ABCC2: variants seen among roughly 807,000 people sequenced by gnomAD.
ABCC2 encodes the protein ATP-binding cassette sub-family C member 2.
In ABCC2, 157 loss-of-function variants were observed where a neutral mutation model predicts 173.4. The observed-to-expected ratio is 0.91, with a 90% CI of 0.80 to 1.03. The LOEUF is 1.03. Ranked by LOEUF, ABCC2 falls within the 50% of genes least tolerant of loss-of-function variation. The pLI is 0.00. For synonymous variants in ABCC2, 657 were observed against 693.5 expected (o/e 0.95, Z 0.83); for missense variants, 1,822 against 1,852.3 (o/e 0.98, Z 0.30).
Position 99,789,628 on chromosome 10 carries a change from T to A in ABCC2, c.208-2606T>A, listed in dbSNP as rs560278934. On this transcript the variant is annotated intron_variant, in intron 2 of 31. Coordinates refer to ENST00000647814, the MANE Select transcript of ABCC2 (RefSeq NM_000392.5). ...TCCTTGGGAGGCTGAGGCAGGAGAA[T>A]CACTTGAACCTGGGAGGCGGAGGTT... 3.4e-5 allele frequency among the ~76,000 whole-genome samples: 5 copies of A among 144,988 alleles called. No individual in the cohort carries two copies. The East Asian group carries it at 1.0e-3, about 30-fold the overall frequency.
In ABCC2 at chr10:99,794,448, TA is replaced by T; in HGVS notation, c.613del (p.Thr205ProfsTer10). On this transcript the variant is annotated frameshift_variant, in exon 6 of 32. Transcript: ENST00000647814. LOFTEE classifies it high-confidence loss of function. Reference sequence around the variant, plus strand: ...CCATAGCTTCATTCCTGAGTAGCATTACCTACAGCTGGTATGACAGGTAGGA... The same window carrying T: ...CCATAGCTTCATTCCTGAGTAGCATTCCTACAGCTGGTATGACAGGTAGGA... ...SSIASFLSSI[T>X]YSWYDSIILK... The T allele has an allele frequency of 1.2e-6, 2 of 1,613,954 alleles. No homozygotes were observed. The highest frequency in any genetic ancestry group is 1.7e-6 in the Non-Finnish European group (2 of 1,179,844).
intron 13 of ABCC2, among the ~76,000 whole-genome samples, chr10:99,808,517 G>A (rs773411277): frequency 3.3e-5 from 5 of 152,052 alleles, no homozygotes; most frequent in Non-Finnish European, 5.9e-5. Flanking sequence ...CCTAGTACTG[G>A]GAACATTTCC....
At chr10:99,846,003 A>T (rs1384526006) in intron 29 of ABCC2, among the ~76,000 whole-genome samples, 2 of 152,224 alleles carry the variant, frequency 1.3e-5, no homozygotes, top group African/African-American at 4.8e-5. Flanking sequence ...ACTAGGTGGC[A>T]GCAACACAAC....
At chr10:99,845,134 A>T (rs2038999246) in intron 28 of ABCC2, among the ~76,000 whole-genome samples, 1 of 151,784 alleles carries the variant, frequency 6.6e-6, no homozygotes, top group African/African-American at 2.4e-5. Flanking sequence ...GGTTCAAGTG[A>T]TTTTTCTGAC....
In ABCC2 at chr10:99,814,183, G is replaced by GTGTA. The variant is rs2038283041; in HGVS notation, c.2094+1040_2094+1041insGTAT. 2.7e-4 allele frequency among the ~76,000 whole-genome samples: 21 copies of GTGTA among 79,054 alleles called. 1 individual carries two copies. Among genetic ancestry groups the GTGTA allele is most frequent in the African/African-American group, 7.4e-4 (15 of 20,352 alleles). The allele number at this position is 79,054 out of a possible 152,430, so 51.9% of individuals were successfully genotyped here. A position where few individuals can be genotyped will look rare whatever the true frequency, so the allele number is the denominator to read the frequency against. ...CACACGTATATATACACACATGTAT[G>GTGTA]TATACACACATGTGTATATATACAC... On this transcript the variant is annotated intron_variant, in intron 16 of 31. Coordinates refer to ENST00000647814, the MANE Select transcript of ABCC2 (RefSeq NM_000392.5).
At chr10:99,841,859 G>A (rs1031091173) in intron 25 of ABCC2, 108 bp from the exon 26 acceptor site, 3 of 1,499,472 alleles carry the variant, frequency 2.0e-6, no homozygotes, top group Non-Finnish European at 2.8e-6. Flanking sequence ...CTAAGAGTGC[G>A]GCCCGATCAA....
intron 2 of ABCC2, among the ~76,000 whole-genome samples, chr10:99,786,131 G>A (rs892021587): frequency 1.3e-5 from 2 of 152,106 alleles, no homozygotes; most frequent in Non-Finnish European, 2.9e-5. Context: ...GAATGTTGGT[G>A]TTAAATGCAT....
At chr10:99,804,498 C>T (rs1204330401) in intron 10 of ABCC2, among the ~76,000 whole-genome samples, 1 of 152,104 alleles carries the variant, frequency 6.6e-6, no homozygotes, top group African/African-American at 2.4e-5. Context: ...AAGAGCCTGA[C>T]TGGGGAAGGA....
At position 99,794,398 on chromosome 10, in the gene ABCC2, T is replaced by G; in HGVS notation, c.577-15T>G. 1 of 1,612,994 alleles carries G rather than the reference T, an allele frequency of 6.2e-7. No individual in the cohort carries two copies. Among genetic ancestry groups the G allele is most frequent in the Non-Finnish European group, 8.5e-7 (1 of 1,179,056 alleles). ...CTCCAATTGGTTTACATTTCGATTT[T>G]TTTGTGTCTTTCAGAATCCATCATC... On this transcript the variant is annotated splice_polypyrimidine_tract_variant and intron_variant, in intron 5 of 31. Coordinates refer to ENST00000647814, the MANE Select transcript of ABCC2 (RefSeq NM_000392.5).
intron 16 of ABCC2, among the ~76,000 whole-genome samples, chr10:99,814,378 C>CACGTATGTATACACACATGTGT (rs1564684750): frequency 8.3e-5 from 2 of 24,126 alleles, no homozygotes; most frequent in Admixed American, 4.3e-4. Context: ...TATATATACA[C>CACGTATGTATACACACATGTGT]ATATATACAT....
intron 2 of ABCC2, among the ~76,000 whole-genome samples, chr10:99,789,709 C>CAAAAAAAAAA (rs11412117): frequency 1.0e-5 from 1 of 98,290 alleles, no homozygotes; most frequent in African/African-American, 4.0e-5. Context: ...AACTCCGTCT[C>CAAAAAAAAAA]AAAAAAAAAA....
chr10:99,830,705 C>T lies in ABCC2; in HGVS notation c.2748-11C>T. The T allele has an allele frequency of 1.2e-6, 2 of 1,614,050 alleles. No homozygotes were observed. The highest frequency in any genetic ancestry group is 1.1e-5 in the South Asian group (1 of 91,074). The stretch of plus-strand genomic sequence containing the variant: ...ATTGCCTGCATGCTCAGGGAAGCTT[C>T]CCTCTCTCAGTTCTAGGTCCAATGG... On this transcript the variant is annotated splice_polypyrimidine_tract_variant and intron_variant, in intron 20 of 31. Transcript: ENST00000647814.
chr10:99,850,935 C>T, intron 31 of ABCC2, 139 bp downstream of exon 31: 3 of 1,145,034 alleles, frequency 2.6e-6, no homozygotes, highest in Non-Finnish European at 3.9e-6. Flanking sequence ...TTAGAGATGT[C>T]AAGTAATCTG....
intron 6 of ABCC2, among the ~76,000 whole-genome samples, chr10:99,796,708 A>G (rs2037918900): frequency 6.6e-6 from 1 of 152,002 alleles, no homozygotes; most frequent in Admixed American, 6.6e-5. Context: ...AAAACAAACA[A>G]CAACAACAAC....
At chr10:99,831,002 A>G in intron 21 of ABCC2, 151 bp downstream of exon 21, 1 of 865,978 alleles carries the variant, frequency 1.2e-6, no homozygotes, top group Non-Finnish European at 1.8e-6. Flanking sequence ...ACCTGTTAGC[A>G]GAGGCTGTGG....
In ABCC2 at chr10:99,814,244, CACACGTATGTAT is replaced by C. The variant is rs1564684008; in HGVS notation, c.2094+1105_2094+1116del. Among the ~76,000 whole-genome samples the C allele has an allele frequency of 6.5e-5, 4 of 61,850 alleles. 1 individual carries two copies. The highest frequency in any genetic ancestry group is 1.4e-4 in the African/African-American group (2 of 14,188). The allele number at this position is 61,850 out of a possible 152,430, so 40.6% of individuals were successfully genotyped here. A position where few individuals can be genotyped will look rare whatever the true frequency, so the allele number is the denominator to read the frequency against. ...ATATACACACATGTGTATATATGCA[CACACGTATGTAT>C]ACACACGTATGTATACACACGTATG... On this transcript the variant is annotated intron_variant, in intron 16 of 31. Transcript: ENST00000647814.
In ABCC2 at chr10:99,800,417, A is replaced by G; in HGVS notation, c.1063A>G (p.Thr355Ala). 6.2e-7 allele frequency: 1 copy of G among 1,614,132 alleles called. No homozygotes were observed. Among genetic ancestry groups the G allele is most frequent in the Middle Eastern group, 1.7e-4 (1 of 6,060 alleles). ...LLISFASDRD[T>A]YLWIGYLCAI... ...GATCTCCTTTGCAAGTGACCGTGAC[A>G]CATATTTGTGGATTGGATATCTCTG... Residue 355 changes from threonine to alanine, a missense_variant, in exon 9 of 32, where the codon ACA becomes GCA. Physicochemically the swap from Thr to Ala is moderately conservative, Grantham distance 58 (BLOSUM62 0). Transcript: ENST00000647814.
At chr10:99,845,184 C>T (rs1038592677) in intron 28 of ABCC2, among the ~76,000 whole-genome samples, 1 of 152,008 alleles carries the variant, frequency 6.6e-6, no homozygotes, top group African/African-American at 2.4e-5. Flanking sequence ...TGCACGCCAC[C>T]ATGTCTGGCT....
intron 16 of ABCC2, among the ~76,000 whole-genome samples, chr10:99,815,536 G>A (rs1590168407): frequency 6.6e-6 from 1 of 152,090 alleles, no homozygotes; most frequent in South Asian, 2.1e-4. Flanking sequence ...TGTTTTCATG[G>A]CATCTTCATC....
Sources: gnomAD v4.1 joint callset for allele counts (sites outside exome capture counted in the v4.1 genomes callset) on GRCh38, gnomAD v4.1.1 for gene constraint, MANE v1.5 for transcripts, NCBI Gene and HGNC (gene_info 2026-07-23, HGNC 2026-07-21) for gene names.